MRPL42: variants seen among roughly 807,000 people sequenced by gnomAD.
The protein encoded by MRPL42 is mitochondrial ribosomal protein L42.
In MRPL42, 17 loss-of-function variants were observed where a neutral mutation model predicts 17.9. That is an observed-to-expected ratio of 0.95 (90% CI 0.65 to 1.42). The LOEUF (loss-of-function observed/expected upper bound fraction) is 1.42. Ranked by LOEUF, MRPL42 falls within the 40% of genes most tolerant of loss-of-function variation. MRPL42 has a pLI of 0.00. For synonymous variants in MRPL42, 59 were observed against 54.4 expected (o/e 1.08, Z -0.37); for missense variants, 177 against 175.2 (o/e 1.01, Z -0.06).
intron 2 of MRPL42, among the ~76,000 whole-genome samples, chr12:93,472,037 C>T (rs901857749): frequency 2.0e-5 from 3 of 152,090 alleles, no homozygotes; most frequent in Non-Finnish European, 4.4e-5. Context: ...TATCTTTTTC[C>T]CCACTGGATT....
At chr12:93,500,962 C>T (rs1953581860) in intron 5 of MRPL42, 1 of 428,126 alleles carries the variant, frequency 2.3e-6, no homozygotes, top group African/African-American at 2.1e-5. Context: ...AAGCAAGACC[C>T]AGTCTCTAGA....
chr12:93,503,635 T>G lies in MRPL42; in HGVS notation c.*2414T>G, dbSNP rs1953630068. 2 of 152,108 alleles carry G rather than the reference T, an allele frequency of 1.3e-5. No homozygotes were observed. Among genetic ancestry groups the G allele is most frequent in the African/African-American group, 2.4e-5 (1 of 41,450 alleles). 9.4% of individuals were successfully genotyped at this position (152,108 alleles called of 1,614,324 possible). A position where few individuals can be genotyped will look rare whatever the true frequency, so the allele number is the denominator to read the frequency against. On this transcript the variant is annotated 3_prime_UTR_variant, in exon 6 of 6. Transcript: ENST00000549982. Reference sequence around the variant, plus strand: ...CTGGGCTCAAAGCGATCCACCCACCTTGGCCTCCAAAAGTATGGGATTACA... The same window carrying G: ...CTGGGCTCAAAGCGATCCACCCACCGTGGCCTCCAAAAGTATGGGATTACA...
chr12:93,488,850 CTT>C (rs908276919), intron 5 of MRPL42, among the ~76,000 whole-genome samples: 1 of 150,810 alleles, frequency 6.6e-6, no homozygotes, highest in Non-Finnish European at 1.5e-5. Context: ...TTTGAACAAA[CTT>C]TTTTTTCTTT....
intron 2 of MRPL42, among the ~76,000 whole-genome samples, chr12:93,475,497 G>A (rs1880122639): frequency 1.3e-5 from 2 of 152,196 alleles, no homozygotes; most frequent in Admixed American, 1.3e-4. Flanking sequence ...AAGGCATGGA[G>A]ATAGGGAAGG....
At chr12:93,478,942 A>T (rs9943710) in intron 3 of MRPL42, among the ~76,000 whole-genome samples, 3,985 of 76,190 alleles carry the variant, frequency 0.052, 149 homozygotes, top group East Asian at 0.23. Context: ...TTATTTATTT[A>T]TTTTTTTGAG....
intron 2 of MRPL42, among the ~76,000 whole-genome samples, chr12:93,470,042 C>CT (rs1332833255): frequency 2.7e-5 from 4 of 150,240 alleles, no homozygotes; most frequent in African/African-American, 9.8e-5. Flanking sequence ...GGCGTGATTA[C>CT]TTTTTTAGTA....
intron 2 of MRPL42, among the ~76,000 whole-genome samples, chr12:93,471,236 A>G (rs2121161425): frequency 6.6e-6 from 1 of 152,158 alleles, no homozygotes; most frequent in South Asian, 2.1e-4. Flanking sequence ...TGATCTTGGC[A>G]CACTGCAACT....
Position 93,469,367 on chromosome 12 carries a change from T to A in MRPL42, c.70+12T>A, listed in dbSNP as rs1449721339. On this transcript the variant is annotated intron_variant, in intron 2 of 5. Coordinates refer to ENST00000549982, the MANE Select transcript of MRPL42 (RefSeq NM_014050.4). ...ATTTCCAGTCCAAAGTAAGTGAAAT[T>A]TTTTTTAATGTTTAAAAACTTTTAA... 6.3e-7 allele frequency: 1 copy of A among 1,583,788 alleles called. No homozygotes were observed. The highest frequency in any genetic ancestry group is 1.4e-5 in the African/African-American group (1 of 73,182).
chr12:93,473,550 G>T (rs933622318), intron 2 of MRPL42, among the ~76,000 whole-genome samples: 5 of 152,124 alleles, frequency 3.3e-5, no homozygotes, highest in African/African-American at 9.7e-5. Flanking sequence ...TCCTGCCTCA[G>T]CCTCCCAAGT....
rs1953713349 is a variant in MRPL42, at chr12:93,510,182, TGG to T, written c.*8962_*8963del. ...TTCCTTTTTCAGAACGCCATATAGT[TGG>T]AATCATAAAGTATATATAGCCTTTT... On this transcript the variant is annotated 3_prime_UTR_variant, in exon 6 of 6. Coordinates refer to ENST00000549982, the MANE Select transcript of MRPL42 (RefSeq NM_014050.4). The T allele has an allele frequency of 1.3e-5, 2 of 152,326 alleles. No homozygotes were observed. Among genetic ancestry groups the T allele is most frequent in the African/African-American group, 4.8e-5 (2 of 41,464 alleles). The allele number at this position is 152,326 out of a possible 1,614,324, so 9.4% of individuals were successfully genotyped here. A position where few individuals can be genotyped will look rare whatever the true frequency, so the allele number is the denominator to read the frequency against.
chr12:93,472,536 C>G (rs1388185712), intron 2 of MRPL42, among the ~76,000 whole-genome samples: 1 of 151,984 alleles, frequency 6.6e-6, no homozygotes, highest in East Asian at 1.9e-4. Context: ...TGTGATTGTG[C>G]CATTGTACTC....
At chr12:93,478,937 TATTTA>T (rs776269173) in intron 3 of MRPL42, among the ~76,000 whole-genome samples, 5 of 149,338 alleles carry the variant, frequency 3.3e-5, no homozygotes, top group Non-Finnish European at 5.9e-5. Flanking sequence ...TTTATTTATT[TATTTA>T]TTTTTTTGAG....
intron 5 of MRPL42, chr12:93,487,937 C>T (rs1341308549): frequency 2.5e-5 from 7 of 277,800 alleles, no homozygotes; most frequent in Non-Finnish European, 4.6e-5. Flanking sequence ...GCTAGTACTA[C>T]AGGCATGTGC....
intron 5 of MRPL42, among the ~76,000 whole-genome samples, chr12:93,488,087 C>T (rs542042233): frequency 1.3e-5 from 2 of 152,134 alleles, no homozygotes; most frequent in Non-Finnish European, 2.9e-5. Context: ...TCTCCTGCCT[C>T]AGCCTCCTGA....
At chr12:93,495,599 C>T (rs1173028946) in intron 5 of MRPL42, among the ~76,000 whole-genome samples, 3 of 152,194 alleles carry the variant, frequency 2.0e-5, no homozygotes, top group Non-Finnish European at 4.4e-5. Flanking sequence ...TTATTAGCCA[C>T]TGGCCTATTC....
At chr12:93,475,905 T>C (rs1052316217) in intron 2 of MRPL42, among the ~76,000 whole-genome samples, 7 of 151,820 alleles carry the variant, frequency 4.6e-5, no homozygotes, top group South Asian at 2.1e-4. Flanking sequence ...GGCGTGAACC[T>C]GGGAGGCGGA....
intron 5 of MRPL42, among the ~76,000 whole-genome samples, chr12:93,489,055 G>C (rs1254737348): frequency 6.6e-6 from 1 of 152,034 alleles, no homozygotes. Context: ...GCATATTTAT[G>C]GCAGGGTACA....
rs190039713 is a variant in MRPL42, at chr12:93,510,438, T to G, written c.*9217T>G. On this transcript the variant is annotated 3_prime_UTR_variant, in exon 6 of 6. Transcript: ENST00000549982. ...GTAGGTTTTTGTGTCCATTTAAGCT[T>G]TCAACTCCTTTGGGTAAATACCAAA... 1.3e-5 allele frequency: 2 copies of G among 152,338 alleles called. No individual in the cohort carries two copies. The highest frequency in any genetic ancestry group is 1.3e-4 in the Admixed American group (2 of 15,294). The allele number at this position is 152,338 out of a possible 1,614,324, so 9.4% of individuals were successfully genotyped here.
chr12:93,505,349 G>A lies in MRPL42; in HGVS notation c.*4128G>A, dbSNP rs1953657875. On this transcript the variant is annotated 3_prime_UTR_variant, in exon 6 of 6. Transcript: ENST00000549982. ...CCCTTACTCAAAGAATACTTTTTCAGTTTCAATGTGTATTTTTAAAATTTC... is the reference window on the plus strand; with the variant it reads ...CCCTTACTCAAAGAATACTTTTTCAATTTCAATGTGTATTTTTAAAATTTC... The A allele has an allele frequency of 6.6e-6, 1 of 152,090 alleles. No homozygotes were observed. The highest frequency in any genetic ancestry group is 1.5e-5 in the Non-Finnish European group (1 of 68,006). 9.4% of individuals were successfully genotyped at this position (152,090 alleles called of 1,614,324 possible). A position where few individuals can be genotyped will look rare whatever the true frequency, so the allele number is the denominator to read the frequency against.
Sources: allele counts gnomAD v4.1 joint callset (sites outside exome capture counted in the v4.1 genomes callset), GRCh38; gene constraint gnomAD v4.1.1; transcripts MANE v1.5; gene names NCBI Gene and HGNC (gene_info 2026-07-23, HGNC 2026-07-21).